The following ADGRL2 variants were observed in gnomAD, a reference collection of about 807,000 sequenced individuals.
ADGRL2 encodes calcium-independent alpha-latrotoxin receptor 2.
A neutral mutation model predicts 157.4 loss-of-function variants in ADGRL2; 44 were observed. The ratio of observed to expected loss-of-function variants is 0.28; its 90% CI spans 0.22 to 0.36. ADGRL2 has a LOEUF of 0.36. Ranked by LOEUF, ADGRL2 falls within the 10% of genes least tolerant of loss-of-function variation. ADGRL2 has a pLI of 1.00. For synonymous variants in ADGRL2, 585 were observed against 624.7 expected (o/e 0.94, Z 0.95); for missense variants, 1,510 against 1,768.9 (o/e 0.85, Z 2.63).
chr1:81,985,165 A>G (rs755110175), intron 20 of ADGRL2, 94 bp from the exon 21 acceptor site: 94 of 626,690 alleles, frequency 1.5e-4, no homozygotes, highest in Non-Finnish European at 2.4e-4. Flanking sequence ...ATAATCCTAC[A>G]TAGGTTGTTT....
At chr1:81,654,998 G>T (rs1188012821) in intron 3 of ADGRL2, among the ~76,000 whole-genome samples, 1 of 152,098 alleles carries the variant, frequency 6.6e-6, no homozygotes, top group Non-Finnish European at 1.5e-5. Flanking sequence ...ACCCAGGCTG[G>T]AGTGCAGTGG....
intron 3 of ADGRL2, among the ~76,000 whole-genome samples, chr1:81,587,348 T>A (rs1263174800): frequency 6.6e-6 from 1 of 152,040 alleles, no homozygotes; most frequent in Admixed American, 6.6e-5. Context: ...GAAAGAGGTA[T>A]TGGATTGGTG....
chr1:81,761,254 G>C (rs971736225), intron 1 of ADGRL2, among the ~76,000 whole-genome samples: 2 of 151,612 alleles, frequency 1.3e-5, no homozygotes, highest in Admixed American at 1.3e-4. Flanking sequence ...AATTTCTAAA[G>C]GTCTGAAATA....
intron 2 of ADGRL2, among the ~76,000 whole-genome samples, chr1:81,865,368 A>T (rs1334245579): frequency 6.6e-6 from 1 of 152,236 alleles, no homozygotes; most frequent in African/African-American, 2.4e-5. Context: ...GAAGTATTTT[A>T]GCAGCTTTCA....
At chr1:81,485,501 G>A (rs970921633) in intron 2 of ADGRL2, among the ~76,000 whole-genome samples, 1 of 152,064 alleles carries the variant, frequency 6.6e-6, no homozygotes, top group Non-Finnish European at 1.5e-5. Context: ...ATATTTCTTT[G>A]TATATATAAA....
At chr1:81,938,190 C>T (rs1052532931) in intron 4 of ADGRL2, among the ~76,000 whole-genome samples, 1 of 151,708 alleles carries the variant, frequency 6.6e-6, no homozygotes, top group Non-Finnish European at 1.5e-5. Flanking sequence ...TCCTGTGCCA[C>T]TAGAGGAACA....
chr1:81,720,386 T>G (rs2084267496), intron 1 of ADGRL2, among the ~76,000 whole-genome samples: 1 of 152,052 alleles, frequency 6.6e-6, no homozygotes. Flanking sequence ...CTCAGGCTGG[T>G]CTCAAACTCC....
intron 1 of ADGRL2, among the ~76,000 whole-genome samples, chr1:81,332,326 G>A (rs533781141): frequency 1.3e-5 from 2 of 151,880 alleles, no homozygotes; most frequent in South Asian, 4.2e-4. Context: ...CTTAATTCTG[G>A]AGTCTCCTAT....
chr1:81,930,457 G>T (rs911445875), intron 3 of ADGRL2, among the ~76,000 whole-genome samples: 1 of 152,090 alleles, frequency 6.6e-6, no homozygotes, highest in African/African-American at 2.4e-5. Context: ...TGCCTTAAAA[G>T]TTAATATTGA....
At chr1:81,980,803 G>A (rs376254204) in intron 18 of ADGRL2, 9 of 707,084 alleles carry the variant, frequency 1.3e-5, no homozygotes, top group Middle Eastern at 2.4e-4. Flanking sequence ...AGTAATTACC[G>A]TGTTTGTGAT....
chr1:81,581,840 C>T (rs779062660), intron 3 of ADGRL2, among the ~76,000 whole-genome samples: 25 of 150,168 alleles, frequency 1.7e-4, no homozygotes, highest in Non-Finnish European at 2.7e-4. Context: ...CAATCAAATA[C>T]GGTATTTAAC....
rs1434061409 is a variant in ADGRL2, at chr1:81,834,210, T to A, written c.-100-2675T>A. 2.0e-5 allele frequency among the ~76,000 whole-genome samples: 3 copies of A among 152,286 alleles called. No homozygotes were observed. In the East Asian group the frequency reaches 5.8e-4, roughly 29 times the overall value. ...CCCCACTTCATCCTAAGCTCTTTGA[T>A]GTTCTTGGAAAAAGGTTTTCTAAAA... On this transcript the variant is annotated intron_variant, in intron 1 of 23. Coordinates refer to ENST00000686636, the MANE Select transcript of ADGRL2 (RefSeq NM_001366006.2).
chr1:81,500,952 T>C (rs536078817), intron 2 of ADGRL2, among the ~76,000 whole-genome samples: 2 of 152,258 alleles, frequency 1.3e-5, no homozygotes, highest in South Asian at 2.1e-4. Context: ...AGAGCTAATA[T>C]AAATGTAGAA....
At chr1:81,324,742 A>G (rs1406268040) in intron 1 of ADGRL2, among the ~76,000 whole-genome samples, 1 of 151,784 alleles carries the variant, frequency 6.6e-6, no homozygotes, top group Non-Finnish European at 1.5e-5. Flanking sequence ...TTTGAGGCAG[A>G]GTGTTTTCCT....
In ADGRL2 at chr1:81,501,897, A is replaced by G. The variant is rs535079660; in HGVS notation, c.-248+56808A>G. ...CAGGGCCAGCAGATGAGAGAAGCCC[A>G]GTTCTTGTATGCCCAAAAGCTGGTC... On this transcript the variant is annotated intron_variant, in intron 2 of 24. Coordinates refer to the ADGRL2 transcript ENST00000370721. 1,827 of 1,611,674 alleles carry G rather than the reference A, an allele frequency of 1.1e-3. 3 individuals carry two copies. The highest frequency in any genetic ancestry group is 1.5e-3 in the Non-Finnish European group (1,728 of 1,178,924).
At chr1:81,950,669 A>G (rs556707718) in intron 7 of ADGRL2, among the ~76,000 whole-genome samples, 187 bp downstream of exon 7, 2 of 152,312 alleles carry the variant, frequency 1.3e-5, no homozygotes, top group East Asian at 1.9e-4. Flanking sequence ...CAGGCACTAT[A>G]AATTACCTCT....
intron 2 of ADGRL2, among the ~76,000 whole-genome samples, chr1:81,508,356 TATC>T (rs1446360624): frequency 2.0e-5 from 3 of 152,198 alleles, no homozygotes; most frequent in African/African-American, 7.2e-5. Context: ...CCTTCTATGT[TATC>T]ATCATCACCC....
At chr1:81,502,654 C>T in intron 2 of ADGRL2, 1 of 1,613,928 alleles carries the variant, frequency 6.2e-7, no homozygotes, top group Non-Finnish European at 8.5e-7. Context: ...CCTTCACCCT[C>T]AGCTCAGGAC....
At chr1:81,626,211 G>A (rs2081905468) in intron 3 of ADGRL2, among the ~76,000 whole-genome samples, 1 of 152,178 alleles carries the variant, frequency 6.6e-6, no homozygotes, top group South Asian at 2.1e-4. Context: ...CACCTTGCCT[G>A]GGAAATATCA....
Sources: gnomAD v4.1 joint callset for allele counts (sites outside exome capture counted in the v4.1 genomes callset) on GRCh38, gnomAD v4.1.1 for gene constraint, MANE v1.5 for transcripts, NCBI Gene and HGNC (gene_info 2026-07-23, HGNC 2026-07-21) for gene names.